PPP2R2C: variants seen among roughly 807,000 people sequenced by gnomAD.
The protein encoded by PPP2R2C is protein phosphatase 2, regulatory subunit B, gamma.
A neutral mutation model predicts 45.3 loss-of-function variants in PPP2R2C; 10 were observed. The ratio of observed to expected loss-of-function variants is 0.22; its 90% CI spans 0.14 to 0.37. PPP2R2C has a LOEUF of 0.37. PPP2R2C is among the 10% of genes least tolerant of loss of function. PPP2R2C has a pLI of 1.00. For synonymous variants in PPP2R2C, 257 were observed against 245.4 expected (o/e 1.05, Z -0.44); for missense variants, 308 against 619.7 (o/e 0.50, Z 5.34).
chr4:6,450,820 G>A (rs1263663978), intron 1 of PPP2R2C, among the ~76,000 whole-genome samples: 1 of 152,132 alleles, frequency 6.6e-6, no homozygotes, highest in African/African-American at 2.4e-5. Context: ...GGAGACAGGT[G>A]GAGGCACCTC....
intron 6 of PPP2R2C, among the ~76,000 whole-genome samples, chr4:6,335,750 G>A (rs775440168): frequency 3.7e-4 from 56 of 152,118 alleles, no homozygotes; most frequent in Non-Finnish European, 4.1e-4. Flanking sequence ...GGAGGTGAGA[G>A]GAGGGGGAGG....
intron 2 of PPP2R2C, among the ~76,000 whole-genome samples, chr4:6,530,154 C>T (rs915344747): frequency 2.6e-5 from 4 of 152,084 alleles, no homozygotes; most frequent in African/African-American, 7.2e-5. Context: ...CCCTTAGCAC[C>T]GCCCATGGAA....
rs114669185 is a variant in PPP2R2C, at chr4:6,404,563, C to T, written c.71-23469G>A. ...TTCTCACTCTAAAGGTTTGGAGGGA[C>T]GGCCCTAAGTTGCCTACTGAGAAAG... is the stretch of plus-strand genomic sequence containing the variant. On this transcript the variant is annotated intron_variant, in intron 1 of 8. Transcript: ENST00000382599. Among the ~76,000 whole-genome samples, 801 of 152,274 alleles carry T rather than the reference C, an allele frequency of 5.3e-3. 4 individuals are homozygous for T. The highest frequency in any genetic ancestry group is 0.018 in the African/African-American group (729 of 41,542).
chr4:6,512,736 G>C (rs1432802652), intron 2 of PPP2R2C, among the ~76,000 whole-genome samples: 4 of 151,770 alleles, frequency 2.6e-5, no homozygotes, highest in African/African-American at 9.7e-5. Flanking sequence ...TGCCAATGGT[G>C]GCAGTGAGGA....
chr4:6,534,687 G>A (rs755445227), intron 2 of PPP2R2C, among the ~76,000 whole-genome samples: 25 of 151,842 alleles, frequency 1.6e-4, no homozygotes, highest in African/African-American at 5.8e-4. Flanking sequence ...CCCCCAACAC[G>A]CACGGCCCGC....
Position 6,345,230 on chromosome 4 carries a change from A to T in PPP2R2C, c.790+2616T>A, listed in dbSNP as rs1303031207. Among the ~76,000 whole-genome samples, 6 of 152,148 alleles carry T rather than the reference A, an allele frequency of 3.9e-5. No individual in the cohort carries two copies. In the South Asian group the frequency reaches 1.2e-3, roughly 31 times the overall value. On this transcript the variant is annotated intron_variant, in intron 6 of 8. Transcript: ENST00000382599. The surrounding 1 kb of genome is among the most constrained non-coding windows in gnomAD (Gnocchi z 5.3). Reference sequence around the variant, plus strand: ...CCCCTCTCTTCCCCAATATTCTCCCATTCCATTCGGACCCAGACCTGGCTG... The same window carrying T: ...CCCCTCTCTTCCCCAATATTCTCCCTTTCCATTCGGACCCAGACCTGGCTG...
At chr4:6,422,650 T>G (rs1407406720) in intron 1 of PPP2R2C, among the ~76,000 whole-genome samples, 2 of 152,220 alleles carry the variant, frequency 1.3e-5, no homozygotes, top group African/African-American at 2.4e-5. Flanking sequence ...CTTCACACAG[T>G]TGTCCTTCTG....
chr4:6,545,803 G>C (rs1724961873), intron 1 of PPP2R2C, among the ~76,000 whole-genome samples: 1 of 152,226 alleles, frequency 6.6e-6, no homozygotes, highest in African/African-American at 2.4e-5. Context: ...GGCAACGTTT[G>C]CTTCTCTCTT....
chr4:6,477,956 T>G (rs763245245), intron 2 of PPP2R2C, among the ~76,000 whole-genome samples: 4 of 152,042 alleles, frequency 2.6e-5, no homozygotes, highest in Non-Finnish European at 2.9e-5. Flanking sequence ...GTGGTCCGTG[T>G]TCCCCTTCCT....
intron 1 of PPP2R2C, chr4:6,384,185 C>T (rs1716058340): frequency 4.1e-6 from 4 of 985,260 alleles, no homozygotes; most frequent in South Asian, 4.7e-5. Context: ...GAAGCCAGAA[C>T]CACCCAGCCC....
chr4:6,507,914 T>G, intron 2 of PPP2R2C, among the ~76,000 whole-genome samples: 1 of 152,212 alleles, frequency 6.6e-6, no homozygotes, highest in Non-Finnish European at 1.5e-5. Flanking sequence ...TGAAATACCT[T>G]TCAGCTCTGA....
Position 6,355,215 on chromosome 4 carries a change from G to A in PPP2R2C, c.626-7205C>T, listed in dbSNP as rs186869148. ...GTAAGTAGTTGCTGACTGAATGAAT[G>A]AATCAGCCCATTGTGGTCCCCTCTG... On this transcript the variant is annotated intron_variant, in intron 5 of 8. Coordinates refer to ENST00000382599, the MANE Select transcript of PPP2R2C (RefSeq NM_020416.4). Among the ~76,000 whole-genome samples the A allele has an allele frequency of 4.4e-4, 67 of 152,082 alleles. 1 individual carries two copies. The highest frequency in any genetic ancestry group is 1.6e-3 in the African/African-American group (67 of 41,508).
chr4:6,441,609 C>T (rs1288597296), intron 1 of PPP2R2C, among the ~76,000 whole-genome samples: 1 of 152,232 alleles, frequency 6.6e-6, no homozygotes, highest in Non-Finnish European at 1.5e-5. Flanking sequence ...CTGTACGTGT[C>T]ACCTGCAGGA....
At chr4:6,561,752 G>A (rs769131463) in intron 1 of PPP2R2C, among the ~76,000 whole-genome samples, 1 of 152,034 alleles carries the variant, frequency 6.6e-6, no homozygotes, top group Non-Finnish European at 1.5e-5. Flanking sequence ...TAGAACCCAG[G>A]GACTGACTCC....
intron 1 of PPP2R2C, among the ~76,000 whole-genome samples, chr4:6,423,400 C>T (rs1386962891): frequency 1.3e-5 from 2 of 152,184 alleles, no homozygotes; most frequent in East Asian, 3.9e-4. Context: ...GACGAGGTTT[C>T]ACCACATTGG....
At chr4:6,498,827 A>T (rs968582819) in intron 2 of PPP2R2C, among the ~76,000 whole-genome samples, 2 of 152,132 alleles carry the variant, frequency 1.3e-5, no homozygotes, top group Admixed American at 6.5e-5. Flanking sequence ...GAACATTGCC[A>T]TGTTTCTTGA....
intron 1 of PPP2R2C, among the ~76,000 whole-genome samples, chr4:6,538,056 G>A (rs1323826775): frequency 2.6e-5 from 4 of 152,100 alleles, no homozygotes; most frequent in African/African-American, 4.8e-5. Context: ...ACGACAATAG[G>A]AATGTACCGG....
chr4:6,414,409 A>G (rs1257562496), intron 1 of PPP2R2C, among the ~76,000 whole-genome samples: 2 of 152,148 alleles, frequency 1.3e-5, no homozygotes, highest in African/African-American at 4.8e-5. Context: ...AGGTGGCTCC[A>G]GGGTTCATTG....
rs537136240 is a variant in PPP2R2C at position 6,324,958 on chromosome 4, G to A, written c.1053-1365C>T. Among the ~76,000 whole-genome samples the A allele has an allele frequency of 6.6e-6, 1 of 152,344 alleles. No individual in the cohort carries two copies. Among genetic ancestry groups the A allele is most frequent in the South Asian group, 2.1e-4 (1 of 4,822 alleles). On this transcript the variant is annotated intron_variant, in intron 8 of 8. Transcript: ENST00000382599. The surrounding 1 kb of genome is among the most constrained non-coding windows in gnomAD (Gnocchi z 4.1). ...GTTGTCCTGCTGAAGGCTCTTCAGG[G>A]AGGAAATCCTGTTTCCTTTTGGAAG...
Sources: gnomAD v4.1 joint callset for allele counts (sites outside exome capture counted in the v4.1 genomes callset) on GRCh38, gnomAD v4.1.1 for gene constraint, Gnocchi (gnomAD v3.1) non-coding constraint, MANE v1.5 for transcripts, NCBI Gene and HGNC (gene_info 2026-07-23, HGNC 2026-07-21) for gene names.